The following AOAH variants were observed in gnomAD, a reference collection of about 807,000 sequenced individuals.
AOAH encodes acyloxyacyl hydrolase.
AOAH carries 64 observed loss-of-function variants against 92.2 expected under a neutral mutation model. That is an observed-to-expected ratio of 0.69 (90% CI 0.57 to 0.86). The LOEUF is 0.86. Ranked by LOEUF, AOAH falls within the 40% of genes least tolerant of loss-of-function variation. The pLI, the probability that AOAH is intolerant of heterozygous loss-of-function variation, is 0.00. For synonymous variants in AOAH, 263 were observed against 254.5 expected (o/e 1.03, Z -0.32); for missense variants, 656 against 694.6 (o/e 0.94, Z 0.62).
chr7:36,678,820 A>C (rs894866129), intron 2 of AOAH, among the ~76,000 whole-genome samples: 7 of 152,158 alleles, frequency 4.6e-5, no homozygotes, highest in African/African-American at 1.7e-4. Context: ...AAATATGCAA[A>C]ATCTCCAGAA....
chr7:36,659,780 A>G (rs6960264), intron 3 of AOAH, among the ~76,000 whole-genome samples: 67,798 of 136,678 alleles, frequency 0.5, 16,674 homozygotes, highest in South Asian at 0.59. Context: ...TTTTCCTGCG[A>G]GAGGTCAGAG....
chr7:36,624,485 A>T (rs550951763), intron 6 of AOAH, among the ~76,000 whole-genome samples: 2 of 152,274 alleles, frequency 1.3e-5, no homozygotes, highest in South Asian at 4.1e-4. Context: ...TTGGTCAAAC[A>T]CTGGAGGGCA....
At chr7:36,616,349 A>T in intron 11 of AOAH, 31 bp downstream of exon 11, 2 of 1,566,392 alleles carry the variant, frequency 1.3e-6, no homozygotes, top group Non-Finnish European at 1.8e-6. Context: ...AGGCCAGCAC[A>T]TCTGGAATGA....
intron 12 of AOAH, among the ~76,000 whole-genome samples, chr7:36,586,269 C>T (rs1162615974): frequency 6.6e-6 from 1 of 152,158 alleles, no homozygotes; most frequent in Non-Finnish European, 1.5e-5. Context: ...TGTACATGCT[C>T]ACCCAAGCTG....
At chr7:36,592,634 C>A (rs1215128893) in intron 12 of AOAH, among the ~76,000 whole-genome samples, 1 of 152,218 alleles carries the variant, frequency 6.6e-6, no homozygotes, top group Non-Finnish European at 1.5e-5. Context: ...GACCCTACCA[C>A]TCTTGGCTGG....
chr7:36,513,446 TC>T (rs1790160179), intron 20 of AOAH, 66 bp from the exon 21 acceptor site: 2 of 1,533,862 alleles, frequency 1.3e-6, no homozygotes, highest in East Asian at 4.5e-5. Context: ...CAACAAGATT[TC>T]CCACGTGCTT....
chr7:36,639,833 C>T (rs1397590778), intron 4 of AOAH, among the ~76,000 whole-genome samples: 1 of 152,176 alleles, frequency 6.6e-6, no homozygotes, highest in South Asian at 2.1e-4. Flanking sequence ...GAGCTTTCTC[C>T]CTGGCAAGGG....
intron 19 of AOAH, among the ~76,000 whole-genome samples, chr7:36,529,003 C>T (rs1048374624): frequency 5.3e-5 from 8 of 152,078 alleles, no homozygotes; most frequent in African/African-American, 1.9e-4. Flanking sequence ...TTTGCTTATC[C>T]AAAAGCATAC....
intron 1 of AOAH, among the ~76,000 whole-genome samples, chr7:36,718,723 C>T (rs1457546002): frequency 6.6e-6 from 1 of 152,058 alleles, no homozygotes; most frequent in African/African-American, 2.4e-5. Context: ...TTTATATTAT[C>T]GTATTTATGT....
rs1791679331 is a variant in AOAH at position 36,614,146 on chromosome 7, C to A, written c.846+2234G>T. On this transcript the variant is annotated intron_variant, in intron 11 of 20. Coordinates refer to ENST00000617537, the MANE Select transcript of AOAH (RefSeq NM_001637.4). This position sits in a 1 kb window ranked among gnomAD's most constrained non-coding sequence, Gnocchi z 4.2. The stretch of plus-strand genomic sequence containing the variant: ...GTGGCTGTATGACAGGGCTTCCCCA[C>A]CGTGCCCATGTCCCTTTCTCGAGGG... Among the ~76,000 whole-genome samples, 1 of 152,204 alleles carries A rather than the reference C, an allele frequency of 6.6e-6. No individual in the cohort carries two copies. The highest frequency in any genetic ancestry group is 2.1e-4 in the South Asian group (1 of 4,832).
intron 1 of AOAH, among the ~76,000 whole-genome samples, chr7:36,697,039 T>C (rs1295785682): frequency 6.6e-6 from 1 of 152,200 alleles, no homozygotes; most frequent in Non-Finnish European, 1.5e-5. Context: ...ATTATTTTTC[T>C]TTTTTTATTA....
chr7:36,543,321 T>C (rs547598091), intron 15 of AOAH, among the ~76,000 whole-genome samples: 41 of 152,122 alleles, frequency 2.7e-4, no homozygotes, highest in Non-Finnish European at 4.9e-4. Flanking sequence ...CCCAAGTATC[T>C]AGGTTCTATA....
At chr7:36,697,505 G>T (rs1797793122) in intron 1 of AOAH, among the ~76,000 whole-genome samples, 2 of 152,284 alleles carry the variant, frequency 1.3e-5, no homozygotes, top group South Asian at 4.1e-4. Context: ...TCCTTGTGAT[G>T]TCTCTGTCTG....
At chr7:36,565,080 G>C (rs1307318406) in intron 13 of AOAH, among the ~76,000 whole-genome samples, 1 of 152,118 alleles carries the variant, frequency 6.6e-6, no homozygotes, top group Non-Finnish European at 1.5e-5. Flanking sequence ...ACTGTATCTT[G>C]GAGATGCATT....
At chr7:36,579,534 G>A (rs1348626205) in intron 12 of AOAH, among the ~76,000 whole-genome samples, 1 of 152,164 alleles carries the variant, frequency 6.6e-6, no homozygotes, top group South Asian at 2.1e-4. Flanking sequence ...ATATGGGGGG[G>A]TTTTTAGTAT....
intron 1 of AOAH, among the ~76,000 whole-genome samples, chr7:36,723,818 G>A (rs1215508175): frequency 2.0e-5 from 3 of 152,120 alleles, no homozygotes; most frequent in African/African-American, 7.2e-5. Flanking sequence ...ATTTAAACTA[G>A]TATGCTTTTT....
chr7:36,694,807 A>C (rs964151436), intron 1 of AOAH, among the ~76,000 whole-genome samples: 2 of 152,228 alleles, frequency 1.3e-5, no homozygotes, highest in African/African-American at 2.4e-5. Flanking sequence ...AGACATAAAA[A>C]GATATAGAGA....
At chr7:36,666,648 G>T (rs868468735) in intron 3 of AOAH, among the ~76,000 whole-genome samples, 9 of 151,882 alleles carry the variant, frequency 5.9e-5, no homozygotes, top group Admixed American at 1.3e-4. Flanking sequence ...GTTTCTTAAG[G>T]TAGAAGCTTA....
intron 13 of AOAH, among the ~76,000 whole-genome samples, chr7:36,573,005 T>C (rs1467994596): frequency 6.6e-6 from 1 of 152,156 alleles, no homozygotes; most frequent in Non-Finnish European, 1.5e-5. Context: ...CAATGAACCA[T>C]GATCCCCATT....
Sources: gnomAD v4.1 joint callset for allele counts (sites outside exome capture counted in the v4.1 genomes callset) on GRCh38, gnomAD v4.1.1 for gene constraint, Gnocchi (gnomAD v3.1) non-coding constraint, MANE v1.5 for transcripts, NCBI Gene and HGNC (gene_info 2026-07-23, HGNC 2026-07-21) for gene names.